The following DOCK4 variants were observed in gnomAD, a reference collection of about 807,000 sequenced individuals.
DOCK4 encodes dedicator of cytokinesis protein 4.
In DOCK4, 97 loss-of-function variants were observed where a neutral mutation model predicts 268.1. The observed-to-expected ratio is 0.36, with a 90% CI of 0.31 to 0.43. The LOEUF is 0.43. DOCK4 is among the 20% of genes least tolerant of loss of function. DOCK4 has a pLI of 1.00. For synonymous variants in DOCK4, 954 were observed against 887.2 expected, an observed-to-expected ratio of 1.08 and a Z score of -1.34; for missense variants, 2,145 against 2,455.7, an observed-to-expected ratio of 0.87 and a Z score of 2.67.
chr7:112,205,681 C>G (rs1434207964), intron 1 of DOCK4, among the ~76,000 whole-genome samples: 1 of 152,108 alleles, frequency 6.6e-6, no homozygotes, highest in Admixed American at 6.5e-5. Flanking sequence ...TTGTCTCCCT[C>G]TCCACCCAGA....
intron 1 of DOCK4, among the ~76,000 whole-genome samples, chr7:112,187,465 G>A (rs1440728515): frequency 6.6e-6 from 1 of 152,082 alleles, no homozygotes; most frequent in African/African-American, 2.4e-5. Context: ...TTTCACAGCT[G>A]TTTCTGGAGA....
chr7:111,900,340 T>A lies in DOCK4; in HGVS notation c.1480+34A>T, dbSNP rs758270577. On this transcript the variant is annotated intron_variant, in intron 15 of 52. Coordinates refer to ENST00000428084, the MANE Select transcript of DOCK4 (RefSeq NM_001363540.2). ...CAGTAAGCAGGATACTCCAGCACAA[T>A]AGACACAGGTAGCCAATGCCACCAA... 3 of 1,604,782 alleles carry A rather than the reference T, an allele frequency of 1.9e-6. No homozygotes were observed. The South Asian group carries it at 3.4e-5, about 18-fold the overall frequency.
At chr7:111,949,883 C>T (rs992223443) in intron 8 of DOCK4, among the ~76,000 whole-genome samples, 17 of 152,184 alleles carry the variant, frequency 1.1e-4, no homozygotes, top group South Asian at 4.1e-4. Flanking sequence ...ATGCCTTCAA[C>T]GCCCAGAAAA....
intron 1 of DOCK4, among the ~76,000 whole-genome samples, chr7:112,182,690 ACTCAC>A (rs1433582120): frequency 6.6e-6 from 1 of 152,302 alleles, no homozygotes; most frequent in East Asian, 1.9e-4. Context: ...CATCCCTTTC[ACTCAC>A]TGGACAGACA....
intron 4 of DOCK4, among the ~76,000 whole-genome samples, chr7:111,994,528 C>T (rs1038484212): frequency 6.6e-6 from 1 of 152,162 alleles, no homozygotes; most frequent in African/African-American, 2.4e-5. Context: ...ACTCATTTAA[C>T]CTAAGGCCAA....
chr7:111,882,120 G>A (rs1245763744), intron 16 of DOCK4, among the ~76,000 whole-genome samples: 3 of 152,106 alleles, frequency 2.0e-5, no homozygotes, highest in African/African-American at 4.8e-5. Context: ...TTGAGGAGAT[G>A]GATACCCAAT....
chr7:111,893,672 G>A (rs1808482536), intron 16 of DOCK4, among the ~76,000 whole-genome samples: 1 of 152,032 alleles, frequency 6.6e-6, no homozygotes, highest in South Asian at 2.1e-4. Context: ...TGCTTTTCTG[G>A]TTACTATGCT....
intron 1 of DOCK4, among the ~76,000 whole-genome samples, chr7:112,066,693 A>ATGTATGTATGTATGTGTG (rs1563052141): frequency 1.4e-3 from 11 of 8,020 alleles, no homozygotes; most frequent in African/African-American, 2.9e-3. Context: ...ACATATACAT[A>ATGTATGTATGTATGTGTG]TATATATATA....
chr7:112,135,470 C>T (rs765410660), intron 1 of DOCK4, among the ~76,000 whole-genome samples: 11 of 151,964 alleles, frequency 7.2e-5, no homozygotes, highest in Non-Finnish European at 1.3e-4. Context: ...AAATTTATTC[C>T]AATACCCAAT....
At chr7:111,844,343 A>G (rs1016854189) in intron 25 of DOCK4, among the ~76,000 whole-genome samples, 6 of 152,208 alleles carry the variant, frequency 3.9e-5, no homozygotes, top group African/African-American at 1.4e-4. Flanking sequence ...TGAGGCCTAG[A>G]AAAGTTACGA....
At chr7:111,934,476 T>C (rs1358673194) in intron 12 of DOCK4, among the ~76,000 whole-genome samples, 1 of 151,654 alleles carries the variant, frequency 6.6e-6, no homozygotes, top group African/African-American at 2.4e-5. Flanking sequence ...ATAATGTTGC[T>C]GCTCAAAGCC....
chr7:112,014,537 A>C (rs1801641243), intron 1 of DOCK4, among the ~76,000 whole-genome samples: 1 of 152,134 alleles, frequency 6.6e-6, no homozygotes, highest in South Asian at 2.1e-4. Context: ...ACCATGACTC[A>C]CATGTGCTGA....
intron 47 of DOCK4, chr7:111,740,158 G>T: frequency 2.3e-6 from 1 of 425,578 alleles, no homozygotes; most frequent in Non-Finnish European, 4.7e-6. Context: ...GGAGTGCAGT[G>T]ACATGCTCTC....
chr7:112,162,521 C>T (rs969564274), intron 1 of DOCK4, among the ~76,000 whole-genome samples: 3 of 151,710 alleles, frequency 2.0e-5, no homozygotes, highest in Non-Finnish European at 4.4e-5. Context: ...TTCTCTCTCT[C>T]TCTCTCTCTC....
At chr7:111,901,587 G>A (rs557284147) in intron 14 of DOCK4, 90 bp downstream of exon 14, 44 of 1,286,424 alleles carry the variant, frequency 3.4e-5, no homozygotes, top group Admixed American at 1.8e-4. Flanking sequence ...TTAACTGATC[G>A]TAAATCAGAA....
At chr7:111,815,229 A>T (rs545299598) in intron 27 of DOCK4, among the ~76,000 whole-genome samples, 100 of 152,334 alleles carry the variant, frequency 6.6e-4, no homozygotes, top group African/African-American at 2.1e-3. Context: ...AGGGCTAGAA[A>T]GATCTTAAAA....
chr7:112,126,117 T>C (rs535341982), intron 1 of DOCK4, among the ~76,000 whole-genome samples: 124 of 152,338 alleles, frequency 8.1e-4, no homozygotes, highest in Non-Finnish European at 1.5e-3. Context: ...ATTCTTATTA[T>C]TGAAGAATCA....
At chr7:111,867,267 T>C (rs1205841093) in intron 22 of DOCK4, among the ~76,000 whole-genome samples, 1 of 152,184 alleles carries the variant, frequency 6.6e-6, no homozygotes, top group African/African-American at 2.4e-5. Context: ...TTCTCAATGA[T>C]TACAAGTTTC....
chr7:112,073,767 G>A (rs1807815616), intron 1 of DOCK4, among the ~76,000 whole-genome samples: 1 of 152,114 alleles, frequency 6.6e-6, no homozygotes. Context: ...GGAGATGGGG[G>A]AGGAGGGTAC....
Sources: allele counts gnomAD v4.1 joint callset (sites outside exome capture counted in the v4.1 genomes callset), GRCh38; gene constraint gnomAD v4.1.1; transcripts MANE v1.5; gene names NCBI Gene and HGNC (gene_info 2026-07-23, HGNC 2026-07-21).